Variants in PKP2 observed in about 807,000 individuals in gnomAD.
PKP2 encodes plakophilin 2, also known as plakophilin-2.
In PKP2, 73 loss-of-function variants were observed where a neutral mutation model predicts 83.4. The ratio of observed to expected loss-of-function variants is 0.88; its 90% CI spans 0.72 to 1.06. PKP2 has a LOEUF of 1.06. PKP2 is among the 50% of genes least tolerant of loss of function. PKP2 has a pLI of 0.00. For synonymous variants in PKP2, 409 were observed against 430.4 expected, an observed-to-expected ratio of 0.95 and a Z score of 0.62; for missense variants, 966 against 1,065.4, an observed-to-expected ratio of 0.91 and a Z score of 1.30.
chr12:32,878,654 T>C, intron 2 of PKP2, 111 bp from the exon 3 acceptor site: 2 of 938,572 alleles, frequency 2.1e-6, no homozygotes, highest in Non-Finnish European at 3.2e-6. Flanking sequence ...CTGAATCAGA[T>C]GACGAGAAGT....
chr12:32,823,730 A>G (rs965373702), intron 7 of PKP2, among the ~76,000 whole-genome samples: 9 of 151,528 alleles, frequency 5.9e-5, no homozygotes, highest in East Asian at 3.9e-4. Flanking sequence ...CCTCCTGAGT[A>G]GCTGGAACTA....
At chr12:32,837,817 A>C (rs16920297) in intron 6 of PKP2, among the ~76,000 whole-genome samples, 4,884 of 152,268 alleles carry the variant, frequency 0.032, 101 homozygotes, top group African/African-American at 0.048. Flanking sequence ...TACCTTCACA[A>C]TACACCTTTC....
intron 9 of PKP2, among the ~76,000 whole-genome samples, chr12:32,807,196 A>C (rs971475445): frequency 1.3e-5 from 2 of 152,136 alleles, no homozygotes; most frequent in Admixed American, 1.3e-4. Context: ...TTTTTGGTGG[A>C]GAGTTCTGTA....
intron 6 of PKP2, among the ~76,000 whole-genome samples, chr12:32,827,426 T>C (rs1956453055): frequency 1.3e-5 from 2 of 152,224 alleles, no homozygotes; most frequent in Admixed American, 6.5e-5. Context: ...ACTGCATCCA[T>C]GAATAGAAGT....
At chr12:32,872,103 C>A (rs1384240411) in intron 3 of PKP2, among the ~76,000 whole-genome samples, 2 of 152,126 alleles carry the variant, frequency 1.3e-5, no homozygotes, top group African/African-American at 4.8e-5. Flanking sequence ...GCCCCACTGA[C>A]CCCTGAACAT....
intron 4 of PKP2, among the ~76,000 whole-genome samples, chr12:32,856,084 C>CT (rs1024511201): frequency 1.7e-4 from 26 of 151,966 alleles, no homozygotes; most frequent in African/African-American, 6.3e-4. Context: ...GGTGCATTTC[C>CT]TTTTTTGTTT....
intron 6 of PKP2, among the ~76,000 whole-genome samples, chr12:32,827,280 T>C (rs1956451397): frequency 1.3e-5 from 2 of 152,250 alleles, no homozygotes; most frequent in Non-Finnish European, 2.9e-5. Context: ...CAGGGGTTTC[T>C]GGCAGTTGAT....
chr12:32,793,101 C>T lies in PKP2; in HGVS notation c.2358-370G>A, dbSNP rs190027429. 1.1e-4 allele frequency among the ~76,000 whole-genome samples: 16 copies of T among 152,018 alleles called. 1 individual carries two copies. Among genetic ancestry groups the T allele is most frequent in the Admixed American group, 6.5e-4 (10 of 15,290 alleles). On this transcript the variant is annotated intron_variant, in intron 11 of 12. Coordinates refer to ENST00000340811, the MANE Select transcript of PKP2 (RefSeq NM_001005242.3). ...ACTAAAAATACAAAATCTAGCTGGG[C>T]GTGGCAGTGTGTGCCTGTAATCCCA...
At chr12:32,801,875 C>T (rs1241603093) in intron 10 of PKP2, among the ~76,000 whole-genome samples, 1 of 152,076 alleles carries the variant, frequency 6.6e-6, no homozygotes, top group East Asian at 1.9e-4. Context: ...AAAAAAAATC[C>T]ATGCCAAATT....
chr12:32,827,088 T>G (rs1956449170), intron 6 of PKP2, among the ~76,000 whole-genome samples: 1 of 152,258 alleles, frequency 6.6e-6, no homozygotes, highest in South Asian at 2.1e-4. Context: ...CAAAAAGTCT[T>G]TCTTCCTGGC....
intron 9 of PKP2, among the ~76,000 whole-genome samples, chr12:32,814,125 C>T (rs1010565340): frequency 2.0e-5 from 3 of 152,114 alleles, no homozygotes; most frequent in Admixed American, 2.0e-4. Flanking sequence ...TACACTATTC[C>T]GTTTTCCCTC....
intron 6 of PKP2, 125 bp downstream of exon 6, chr12:32,840,903 T>TAAAC (rs903013653): frequency 2.7e-6 from 2 of 751,986 alleles, no homozygotes; most frequent in Non-Finnish European, 2.3e-6. Flanking sequence ...ATAAATAAAA[T>TAAAC]AAACAAACCA....
chr12:32,846,315 G>A (rs1956644332), intron 5 of PKP2, among the ~76,000 whole-genome samples: 1 of 152,156 alleles, frequency 6.6e-6, no homozygotes, highest in South Asian at 2.1e-4. Flanking sequence ...TAGTAAGGGA[G>A]AAAGAACAAT....
In PKP2 at chr12:32,868,960, G is replaced by A. The variant is rs754927123; in HGVS notation, c.1137C>T (p.His379=). The change falls in exon 4 of 13, where the codon CAC becomes CAT. Residue 379 remains histidine, a synonymous_variant. Transcript: ENST00000340811. ...GAGCTTCAGATTTCTGGAAGCACTC[G>A]TGCTGTATGAAAGTAGCTGCAGCAG... is the stretch of plus-strand genomic sequence containing the variant. ...RISAAATFIQ[H]ECFQKSEARK... 30 of 1,613,556 alleles carry A rather than the reference G, an allele frequency of 1.9e-5. No individual in the cohort carries two copies. The East Asian group carries it at 3.8e-4, about 20-fold the overall frequency.
rs140720446 is a variant in PKP2, at chr12:32,799,561, C to A, written c.2167+2842G>T. On this transcript the variant is annotated intron_variant, in intron 10 of 12. Coordinates refer to ENST00000340811, the MANE Select transcript of PKP2 (RefSeq NM_001005242.3). ...ATGCCCATCAACCAACGAGTGGATA[C>A]AGGAAATGTGGTATATACACACCAT... 3.8e-3 allele frequency among the ~76,000 whole-genome samples: 585 copies of A among 152,158 alleles called. 3 individuals are homozygous for A. Among genetic ancestry groups the A allele is most frequent in the African/African-American group, 0.014 (565 of 41,518 alleles).
Position 32,791,232 on chromosome 12 carries a change from TA to T in PKP2, c.*1191del, listed in dbSNP as rs1433616126. 1 of 151,326 alleles carries T rather than the reference TA, an allele frequency of 6.6e-6. No homozygotes were observed. The highest frequency in any genetic ancestry group is 2.4e-5 in the African/African-American group (1 of 41,178). The allele number at this position is 151,326 out of a possible 1,614,324, so 9.4% of individuals were successfully genotyped here. ...ATTTCGCTGGATGATGTCAACCATT[TA>T]AAATATCAGTATTTCTCATATCATT... On this transcript the variant is annotated 3_prime_UTR_variant, in exon 13 of 13. Transcript: ENST00000340811.
intron 6 of PKP2, among the ~76,000 whole-genome samples, chr12:32,840,056 G>A (rs139732086): frequency 2.6e-5 from 4 of 152,200 alleles, no homozygotes; most frequent in Non-Finnish European, 4.4e-5. Flanking sequence ...ATCCTAGTTC[G>A]CAAACTTCAG....
At chr12:32,871,029 C>T (rs549355520) in intron 3 of PKP2, among the ~76,000 whole-genome samples, 11 of 152,254 alleles carry the variant, frequency 7.2e-5, no homozygotes, top group African/African-American at 2.6e-4. Context: ...AGGGGGTCAA[C>T]TTTCTGTTTG....
At chr12:32,825,329 C>G (rs891716632) in intron 6 of PKP2, among the ~76,000 whole-genome samples, 2 of 151,886 alleles carry the variant, frequency 1.3e-5, no homozygotes, top group Non-Finnish European at 2.9e-5. Flanking sequence ...TCACTATGCC[C>G]AGCTAATTTT....
Sources: gnomAD v4.1 joint callset for allele counts (sites outside exome capture counted in the v4.1 genomes callset) on GRCh38, gnomAD v4.1.1 for gene constraint, MANE v1.5 for transcripts, NCBI Gene and HGNC (gene_info 2026-07-23, HGNC 2026-07-21) for gene names.